Variants in RPS6KA2 observed in about 807,000 individuals in gnomAD.
RPS6KA2 encodes ribosomal protein S6 kinase alpha-2.
Under a neutral mutation model 91.8 loss-of-function variants are expected in RPS6KA2, and 42 were observed. The observed-to-expected ratio is 0.46, with a 90% confidence interval of 0.36 to 0.59. The LOEUF (loss-of-function observed/expected upper bound fraction) is 0.59. Ranked by LOEUF, RPS6KA2 falls within the 20% of genes least tolerant of loss-of-function variation. The pLI, the probability that RPS6KA2 is intolerant of heterozygous loss-of-function variation, is 0.00. For missense variants in RPS6KA2, 798 were observed against 978.5 expected (o/e 0.82, Z 2.46); for synonymous variants, 414 against 393.6 (o/e 1.05, Z -0.61).
exon 1 of RPS6KA2, chr6:166,862,374 C>A (rs968536997): frequency 5.5e-5 from 78 of 1,409,914 alleles, no homozygotes; most frequent in East Asian, 8.0e-5. Context: ...GAGGAGGGAC[C>A]CGGGGGGCTG....
At chr6:166,654,605 C>T (rs1787954107) in intron 2 of RPS6KA2, among the ~76,000 whole-genome samples, 1 of 152,208 alleles carries the variant, frequency 6.6e-6, no homozygotes, top group Admixed American at 6.5e-5. Flanking sequence ...AAGTTTTTCA[C>T]TTATTTGTCG....
In RPS6KA2 at chr6:166,494,043, C is replaced by T. The variant is rs548631108; in HGVS notation, c.748-3302G>A. 2.1e-4 allele frequency among the ~76,000 whole-genome samples: 32 copies of T among 152,248 alleles called. No individual in the cohort carries two copies. Among genetic ancestry groups the T allele is most frequent in the African/African-American group, 5.8e-4 (24 of 41,554 alleles). ...AGCCTCGATTTCAAGTTTACTTGGC[C>T]GATCACCATTCTTAAAAGGGCACCA... On this transcript the variant is annotated intron_variant, in intron 8 of 20. Transcript: ENST00000265678. The surrounding 1 kb of genome is among the most constrained non-coding windows in gnomAD (Gnocchi z 5.1).
At chr6:166,450,191 G>T (rs1445369060) in intron 13 of RPS6KA2, among the ~76,000 whole-genome samples, 1 of 125,080 alleles carries the variant, frequency 8.0e-6, no homozygotes, top group Non-Finnish European at 1.7e-5. Flanking sequence ...CCACAACAGG[G>T]ATCACCATGG....
At chr6:166,682,692 C>T (rs1788865976) in intron 2 of RPS6KA2, among the ~76,000 whole-genome samples, 2 of 152,198 alleles carry the variant, frequency 1.3e-5, no homozygotes, top group East Asian at 1.9e-4. Flanking sequence ...GCAAGGATTG[C>T]TTCATAGCCG....
At chr6:166,480,517 T>TAAA (rs1781174675) in intron 10 of RPS6KA2, among the ~76,000 whole-genome samples, 2 of 104,620 alleles carry the variant, frequency 1.9e-5, no homozygotes, top group Admixed American at 9.6e-5. Flanking sequence ...ATATATATAA[T>TAAA]ATATTTTTTT....
chr6:166,587,522 C>T (rs1007647537), intron 1 of RPS6KA2, among the ~76,000 whole-genome samples: 1 of 152,088 alleles, frequency 6.6e-6, no homozygotes, highest in African/African-American at 2.4e-5. Flanking sequence ...CAGAACAGTA[C>T]CTGGCATAGA....
intron 1 of RPS6KA2, among the ~76,000 whole-genome samples, chr6:166,578,207 A>G (rs1237104841): frequency 6.6e-6 from 1 of 152,166 alleles, no homozygotes; most frequent in Non-Finnish European, 1.5e-5. Flanking sequence ...CTGACCCTCA[A>G]GATGCTGGGC....
rs142790973 is a variant in RPS6KA2 at position 166,443,551 on chromosome 6, G to A, written c.1332+5173C>T. 6.3e-3 allele frequency among the ~76,000 whole-genome samples: 957 copies of A among 152,312 alleles called. 5 individuals are homozygous for A. The highest frequency in any genetic ancestry group is 9.0e-3 in the Non-Finnish European group (614 of 68,032). On this transcript the variant is annotated intron_variant, in intron 14 of 20. Transcript: ENST00000265678. ...ATGGAGACGAGGAGTGTCACAGGACGTTTAAAGCGGATCCTTCCAACACCT... is the reference window on the plus strand; with the variant it reads ...ATGGAGACGAGGAGTGTCACAGGACATTTAAAGCGGATCCTTCCAACACCT...
At chr6:166,742,341 G>A (rs527726905) in intron 2 of RPS6KA2, among the ~76,000 whole-genome samples, 1 of 152,178 alleles carries the variant, frequency 6.6e-6, no homozygotes, top group Non-Finnish European at 1.5e-5. Flanking sequence ...GATTTCTCAC[G>A]AAAACATTTA....
At chr6:166,808,928 A>C (rs1375563937) in intron 2 of RPS6KA2, among the ~76,000 whole-genome samples, 1 of 152,260 alleles carries the variant, frequency 6.6e-6, no homozygotes, top group East Asian at 1.9e-4. Flanking sequence ...GTGAAAAAAC[A>C]GGGTACAGAG....
At chr6:166,482,069 A>G (rs1376185596) in intron 10 of RPS6KA2, among the ~76,000 whole-genome samples, 334 of 106,894 alleles carry the variant, frequency 3.1e-3, no homozygotes, top group Middle Eastern at 0.021. Context: ...TAGACTGTAC[A>G]TATACCTCTC....
intron 2 of RPS6KA2, among the ~76,000 whole-genome samples, chr6:166,795,672 C>G (rs1418144411): frequency 3.9e-5 from 6 of 152,216 alleles, no homozygotes; most frequent in Non-Finnish European, 8.8e-5. Context: ...GAAAGACGGA[C>G]TCTCCCTGAA....
At chr6:166,802,793 A>T (rs1404421469) in intron 2 of RPS6KA2, among the ~76,000 whole-genome samples, 2 of 152,226 alleles carry the variant, frequency 1.3e-5, no homozygotes, top group Non-Finnish European at 2.9e-5. Flanking sequence ...TCATTAAGAA[A>T]TAGAGAAAAT....
chr6:166,711,359 T>TA (rs1007939389), intron 2 of RPS6KA2, among the ~76,000 whole-genome samples: 9 of 49,770 alleles, frequency 1.8e-4, no homozygotes, highest in Middle Eastern at 0.011. Flanking sequence ...GGTTCCAATT[T>TA]AAAAAAAAAT....
At chr6:166,789,423 T>C (rs1250614845) in intron 2 of RPS6KA2, among the ~76,000 whole-genome samples, 1 of 152,220 alleles carries the variant, frequency 6.6e-6, no homozygotes, top group East Asian at 1.9e-4. Flanking sequence ...CTCTGTAGGC[T>C]CCGCCTCTGG....
chr6:166,448,995 C>T lies in RPS6KA2; in HGVS notation c.1207-146G>A. 1.1e-6 allele frequency: 1 copy of T among 891,440 alleles called. No homozygotes were observed. The highest frequency in any genetic ancestry group is 1.7e-6 in the Non-Finnish European group (1 of 581,026). 55.2% of individuals were successfully genotyped at this position (891,440 alleles called of 1,614,324 possible). On this transcript the variant is annotated intron_variant, in intron 13 of 20. Coordinates refer to ENST00000265678, the MANE Select transcript of RPS6KA2 (RefSeq NM_021135.6). This position sits in a 1 kb window ranked among gnomAD's most constrained non-coding sequence, Gnocchi z 4.7. ...CCTGGGAGCTCATGGGTCCCCCTGC[C>T]CAAGGCTGCAGAGCTACTTAGTGAT...
chr6:166,751,213 A>G (rs964847593), intron 2 of RPS6KA2, among the ~76,000 whole-genome samples: 6 of 152,182 alleles, frequency 3.9e-5, no homozygotes, highest in African/African-American at 1.4e-4. Context: ...AAACCTCAAA[A>G]AGCCTGCTTC....
chr6:166,630,054 G>A (rs4145432), upstream of RPS6KA2, among the ~76,000 whole-genome samples: 17,560 of 152,196 alleles, frequency 0.12, 1,109 homozygotes, highest in East Asian at 0.2. Context: ...CGAAGTCAAG[G>A]AGGAGATGGC....
At chr6:166,613,968 C>T (rs1333611703) in intron 1 of RPS6KA2, among the ~76,000 whole-genome samples, 1 of 152,258 alleles carries the variant, frequency 6.6e-6, no homozygotes, top group Non-Finnish European at 1.5e-5. Flanking sequence ...ACCCCATCTT[C>T]CCCGTCTTTC....
Sources: allele counts gnomAD v4.1 joint callset (sites outside exome capture counted in the v4.1 genomes callset), GRCh38; gene constraint gnomAD v4.1.1; non-coding constraint Gnocchi (gnomAD v3.1); transcripts MANE v1.5; gene names NCBI Gene and HGNC (gene_info 2026-07-23, HGNC 2026-07-21).